The following KLHL1 variants were observed in gnomAD, a reference collection of about 807,000 sequenced individuals.
The protein encoded by KLHL1 is kelch-like protein 1.
KLHL1 carries 47 observed loss-of-function variants against 77.7 expected under a neutral mutation model. The observed-to-expected ratio is 0.60, with a 90% CI of 0.48 to 0.77. The LOEUF is 0.77. Ranked by LOEUF, KLHL1 falls within the 30% of genes least tolerant of loss-of-function variation. The pLI, the probability that KLHL1 is intolerant of heterozygous loss-of-function variation, is 0.00. For synonymous variants in KLHL1, 360 were observed against 325.2 expected, an observed-to-expected ratio of 1.11 and a Z score of -1.15; for missense variants, 925 against 910.8, an observed-to-expected ratio of 1.02 and a Z score of -0.20.
chr13:69,751,957 C>G (rs1383590374), intron 7 of KLHL1, among the ~76,000 whole-genome samples: 1 of 152,070 alleles, frequency 6.6e-6, no homozygotes, highest in Admixed American at 6.6e-5. Context: ...ATCTATCCAT[C>G]AACACAGCCT....
intron 1 of KLHL1, among the ~76,000 whole-genome samples, chr13:70,054,427 A>G (rs1212549611): frequency 6.6e-6 from 1 of 152,064 alleles, no homozygotes; most frequent in African/African-American, 2.4e-5. Flanking sequence ...CAGTGGTTAA[A>G]TTTTTATTGC....
At chr13:69,916,939 G>A (rs755193009) in intron 4 of KLHL1, among the ~76,000 whole-genome samples, 64 of 151,836 alleles carry the variant, frequency 4.2e-4, no homozygotes, top group Admixed American at 3.7e-3. Flanking sequence ...AAAGAAAAAC[G>A]TGCAGAAGAG....
intron 7 of KLHL1, among the ~76,000 whole-genome samples, chr13:69,793,705 C>T (rs932105037): frequency 2.0e-5 from 3 of 152,110 alleles, no homozygotes; most frequent in Admixed American, 1.3e-4. Context: ...TAAAATGATA[C>T]ATTTTAGTTT....
At chr13:69,893,200 T>C (rs1028045954) in intron 4 of KLHL1, among the ~76,000 whole-genome samples, 3 of 151,618 alleles carry the variant, frequency 2.0e-5, no homozygotes, top group Non-Finnish European at 4.4e-5. Flanking sequence ...TGGAATAAAG[T>C]GATAATTCTC....
At chr13:69,985,400 C>T (rs1484885309) in intron 1 of KLHL1, among the ~76,000 whole-genome samples, 1 of 151,908 alleles carries the variant, frequency 6.6e-6, no homozygotes, top group Admixed American at 6.6e-5. Context: ...TGCTCAACTT[C>T]ATTAATCATC....
rs1045045620 is a variant in KLHL1 at position 69,771,887 on chromosome 13, C to T, written c.1639+24851G>A. Among the ~76,000 whole-genome samples the T allele has an allele frequency of 3.9e-5, 6 of 152,184 alleles. No homozygotes were observed. In the South Asian group the frequency reaches 8.3e-4, roughly 21 times the overall value. ...CATGACTTCAAAATAGCAAATACCA[C>T]TCACTTTTTTCTCATGTATATCTTT... is the stretch of plus-strand genomic sequence containing the variant. On this transcript the variant is annotated intron_variant, in intron 7 of 10. Coordinates refer to ENST00000377844, the MANE Select transcript of KLHL1 (RefSeq NM_020866.3).
At chr13:70,049,267 C>G (rs1003668833) in intron 1 of KLHL1, among the ~76,000 whole-genome samples, 2 of 151,870 alleles carry the variant, frequency 1.3e-5, no homozygotes, top group Admixed American at 1.3e-4. Flanking sequence ...TTATGTAAAC[C>G]AAACCTAATT....
intron 8 of KLHL1, among the ~76,000 whole-genome samples, chr13:69,731,300 G>T (rs1253512959): frequency 3.3e-5 from 5 of 152,104 alleles, no homozygotes; most frequent in African/African-American, 1.2e-4. Context: ...ACAATTCCAA[G>T]AAATTACTTT....
intron 1 of KLHL1, among the ~76,000 whole-genome samples, chr13:70,034,102 A>G (rs1051997729): frequency 2.6e-5 from 4 of 152,194 alleles, no homozygotes; most frequent in African/African-American, 7.2e-5. Context: ...CAAGTGCAGC[A>G]CTGAAATGCA....
chr13:69,786,010 A>G (rs977120200), intron 7 of KLHL1, among the ~76,000 whole-genome samples: 3 of 152,314 alleles, frequency 2.0e-5, no homozygotes, highest in Admixed American at 6.5e-5. Flanking sequence ...TTGTGGCAAT[A>G]ATCAACAGCT....
chr13:69,901,919 T>G (rs979165032), intron 4 of KLHL1, among the ~76,000 whole-genome samples: 6 of 151,054 alleles, frequency 4.0e-5, no homozygotes, highest in African/African-American at 1.5e-4. Flanking sequence ...TGCCTCAGCC[T>G]TCCGAGCAGC....
In KLHL1 at chr13:70,071,236, C is replaced by T. The variant is rs1887130989; in HGVS notation, c.497+35967G>A. On this transcript the variant is annotated intron_variant, in intron 1 of 10. Coordinates refer to ENST00000377844, the MANE Select transcript of KLHL1 (RefSeq NM_020866.3). ...GGCTGGAGTAGCTATATTACTTTCACACTAAACAGACTTAAAAATTAGAAG... is the reference window on the plus strand; with the variant it reads ...GGCTGGAGTAGCTATATTACTTTCATACTAAACAGACTTAAAAATTAGAAG... 1.3e-5 allele frequency among the ~76,000 whole-genome samples: 2 copies of T among 151,936 alleles called. 1 individual carries two copies. The highest frequency in any genetic ancestry group is 4.1e-4 in the South Asian group (2 of 4,826).
intron 7 of KLHL1, among the ~76,000 whole-genome samples, chr13:69,789,177 C>A (rs530847855): frequency 6.6e-6 from 1 of 151,992 alleles, no homozygotes; most frequent in South Asian, 2.1e-4. Flanking sequence ...TAATTTATTC[C>A]ACAGGAATCT....
chr13:70,071,789 A>G (rs1887143908), intron 1 of KLHL1, among the ~76,000 whole-genome samples: 1 of 152,086 alleles, frequency 6.6e-6, no homozygotes, highest in African/African-American at 2.4e-5. Flanking sequence ...AATGGAAACA[A>G]AAATTTAACC....
intron 3 of KLHL1, among the ~76,000 whole-genome samples, chr13:69,956,676 G>A (rs752713133): frequency 2.2e-4 from 33 of 151,368 alleles, no homozygotes; most frequent in Admixed American, 6.6e-5. Context: ...GCTTACTATT[G>A]ATCATTTCAA....
At chr13:69,749,375 C>T in intron 7 of KLHL1, among the ~76,000 whole-genome samples, 1 of 151,880 alleles carries the variant, frequency 6.6e-6, no homozygotes. Context: ...TTAATAATTA[C>T]ATGATGACTT....
chr13:69,981,595 A>T (rs1884709992), intron 1 of KLHL1, among the ~76,000 whole-genome samples: 2 of 152,066 alleles, frequency 1.3e-5, no homozygotes, highest in South Asian at 4.1e-4. Flanking sequence ...GGCAATGTAT[A>T]TGTCTTTAGA....
chr13:69,937,889 T>C (rs902990407), intron 4 of KLHL1, among the ~76,000 whole-genome samples: 1 of 152,082 alleles, frequency 6.6e-6, no homozygotes, highest in African/African-American at 2.4e-5. Flanking sequence ...TCTAAAGAGT[T>C]TGGGCAAGAA....
chr13:69,803,015 C>T (rs1877458549), intron 6 of KLHL1: 1 of 152,136 alleles, frequency 6.6e-6, no homozygotes, highest in Non-Finnish European at 1.5e-5. Context: ...ATTCTCCATT[C>T]CCACTGCTTC....
Sources: allele counts gnomAD v4.1 joint callset (sites outside exome capture counted in the v4.1 genomes callset), GRCh38; gene constraint gnomAD v4.1.1; transcripts MANE v1.5; gene names NCBI Gene and HGNC (gene_info 2026-07-23, HGNC 2026-07-21).